Variants in DNAAF4 observed in about 807,000 individuals in gnomAD.
DNAAF4 encodes the protein dynein assembly factor 4, axonemal.
In DNAAF4, 43 loss-of-function variants were observed where a neutral mutation model predicts 51.8. The observed-to-expected ratio is 0.83, with a 90% confidence interval of 0.65 to 1.07. The LOEUF is 1.07. DNAAF4 is among the 50% of genes least tolerant of loss of function. The pLI is 0.00. For synonymous variants in DNAAF4, 194 were observed against 165.6 expected, an observed-to-expected ratio of 1.17 and a Z score of -1.32; for missense variants, 581 against 493.0, an observed-to-expected ratio of 1.18 and a Z score of -1.69.
intron 7 of DNAAF4, among the ~76,000 whole-genome samples, chr15:55,425,286 T>C (rs1184693313): frequency 6.6e-6 from 1 of 152,012 alleles, no homozygotes; most frequent in East Asian, 1.9e-4. Flanking sequence ...TTCCCTACCA[T>C]CCCCCCGGTG....
chr15:55,432,701 T>C, intron 8 of DNAAF4, 99 bp from the exon 9 acceptor site: 6 of 1,045,132 alleles, frequency 5.7e-6, no homozygotes, highest in East Asian at 2.7e-5. Flanking sequence ...ATCCCAACAC[T>C]TGGGGAGGCC....
At chr15:55,467,878 C>T (rs2058192227) in intron 4 of DNAAF4, among the ~76,000 whole-genome samples, 1 of 151,972 alleles carries the variant, frequency 6.6e-6, no homozygotes, top group East Asian at 1.9e-4. Context: ...ACTTCCCTCA[C>T]ATGGGCAAGA....
chr15:55,486,661 A>G (rs549650407), intron 4 of DNAAF4, among the ~76,000 whole-genome samples: 14 of 152,174 alleles, frequency 9.2e-5, no homozygotes, highest in Non-Finnish European at 1.5e-4. Context: ...GCATACACCT[A>G]TAGTCCTAGC....
intron 4 of DNAAF4, among the ~76,000 whole-genome samples, chr15:55,489,946 T>C (rs2058547919): frequency 1.3e-5 from 2 of 150,068 alleles, no homozygotes; most frequent in Non-Finnish European, 3.0e-5. Context: ...CAATCTCCGC[T>C]CACTGCAACC....
At chr15:55,433,950 A>ATATTTTATATAATATATTATAATTT (rs1555413855) in intron 8 of DNAAF4, among the ~76,000 whole-genome samples, 1 of 33,172 alleles carries the variant, frequency 3.0e-5, no homozygotes, top group Non-Finnish European at 6.1e-5. Context: ...TATATAATAT[A>ATATTTTATATAATATATTATAATTT]TATAATATAT....
chr15:55,421,372 G>A (rs1471036228), intron 7 of DNAAF4, among the ~76,000 whole-genome samples: 1 of 151,884 alleles, frequency 6.6e-6, no homozygotes, highest in Non-Finnish European at 1.5e-5. Context: ...GCATGGTGGT[G>A]CATGCCTGTA....
intron 7 of DNAAF4, among the ~76,000 whole-genome samples, chr15:55,420,674 A>C (rs1436718896): frequency 6.6e-6 from 1 of 152,232 alleles, no homozygotes. Context: ...AACATCAAAT[A>C]GTGGGGCACT....
intron 6 of DNAAF4, 30 bp downstream of exon 6, chr15:55,450,192 G>C: frequency 6.4e-7 from 1 of 1,552,468 alleles, no homozygotes; most frequent in Non-Finnish European, 8.7e-7. Flanking sequence ...TTTCATTTGT[G>C]GTAATTGTAA....
chr15:55,430,921 CT>C (rs549010089), intron 9 of DNAAF4, 142 bp from the exon 10 acceptor site: 5,223 of 542,880 alleles, frequency 9.6e-3, no homozygotes, highest in South Asian at 0.014. Flanking sequence ...AGATTCCCAT[CT>C]TTTTTTTTTG....
chr15:55,500,337 G>A (rs887010317), intron 1 of DNAAF4, among the ~76,000 whole-genome samples: 7 of 152,078 alleles, frequency 4.6e-5, no homozygotes, highest in African/African-American at 1.2e-4. Context: ...CCTTTAAGCT[G>A]AGAAACCCAC....
intron 4 of DNAAF4, among the ~76,000 whole-genome samples, chr15:55,470,847 A>AT (rs1169756178): frequency 0.82 from 81,183 of 99,012 alleles, 35,558 homozygotes; most frequent in East Asian, 0.97. Flanking sequence ...TGCCTGGCGG[A>AT]TTTTTTTTTT....
chr15:55,442,124 TTTG>T (rs2057724235), intron 6 of DNAAF4, among the ~76,000 whole-genome samples: 1 of 152,030 alleles, frequency 6.6e-6, no homozygotes, highest in Admixed American at 6.6e-5. Flanking sequence ...TTTTTTTTGT[TTTG>T]TTTTGTTTTG....
intron 4 of DNAAF4, among the ~76,000 whole-genome samples, chr15:55,474,944 A>C (rs2058316089): frequency 6.6e-6 from 1 of 152,248 alleles, no homozygotes; most frequent in South Asian, 2.1e-4. Flanking sequence ...GCGCCACTGC[A>C]CGCCAGCCTG....
intron 4 of DNAAF4, among the ~76,000 whole-genome samples, chr15:55,482,510 C>G (rs1176723985): frequency 6.6e-6 from 1 of 152,034 alleles, no homozygotes; most frequent in Non-Finnish European, 1.5e-5. Flanking sequence ...AACCCCCTCT[C>G]TACCAAAAAA....
chr15:55,494,364 G>C (rs2058612730), intron 3 of DNAAF4, among the ~76,000 whole-genome samples: 1 of 151,976 alleles, frequency 6.6e-6, no homozygotes, highest in Non-Finnish European at 1.5e-5. Context: ...CTCAAACCTG[G>C]TTTCTGAAGT....
In DNAAF4 at chr15:55,436,311, T is replaced by C. The variant is rs563786870; in HGVS notation, c.894-1253A>G. On this transcript the variant is annotated intron_variant, in intron 7 of 9. Transcript: ENST00000321149. The stretch of plus-strand genomic sequence containing the variant: ...TGGTTAGTGATGTTAAACATCTTTT[T>C]ATATTTACTAGCCATTTGTCTCTCT... Among the ~76,000 whole-genome samples the C allele has an allele frequency of 2.6e-5, 4 of 152,334 alleles. No individual in the cohort carries two copies. The South Asian group carries it at 8.3e-4, about 32-fold the overall frequency.
chr15:55,444,786 G>A (rs2057769913), intron 6 of DNAAF4, among the ~76,000 whole-genome samples: 2 of 152,066 alleles, frequency 1.3e-5, no homozygotes, highest in African/African-American at 4.8e-5. Flanking sequence ...GGATTCCTAC[G>A]TATTTTTTTC....
At chr15:55,485,631 A>G (rs1415648223) in intron 4 of DNAAF4, among the ~76,000 whole-genome samples, 2 of 152,260 alleles carry the variant, frequency 1.3e-5, no homozygotes, top group East Asian at 3.9e-4. Context: ...CAAAACAAAA[A>G]CAAGAAATGA....
At chr15:55,482,230 T>C (rs916305534) in intron 4 of DNAAF4, among the ~76,000 whole-genome samples, 4 of 136,150 alleles carry the variant, frequency 2.9e-5, no homozygotes, top group Non-Finnish European at 6.4e-5. Flanking sequence ...TTGGCAAAGA[T>C]GTAAAAAAAT....
Sources: gnomAD v4.1 joint callset for allele counts (sites outside exome capture counted in the v4.1 genomes callset) on GRCh38, gnomAD v4.1.1 for gene constraint, MANE v1.5 for transcripts, NCBI Gene and HGNC (gene_info 2026-07-23, HGNC 2026-07-21) for gene names.